Variants in STAB1 observed in about 807,000 individuals in gnomAD.
STAB1 encodes stabilin-1.
Under a neutral mutation model 332.4 loss-of-function variants are expected in STAB1, and 250 were observed. That is an observed-to-expected ratio of 0.75 (90% CI 0.68 to 0.84). The LOEUF is 0.84. Among genes scored for constraint, STAB1 ranks in the 40% least tolerant of loss-of-function variants. The pLI, the probability that STAB1 is intolerant of heterozygous loss-of-function variation, is 0.00. For synonymous variants in STAB1, 1,475 were observed against 1,390.4 expected (o/e 1.06, Z -1.35); for missense variants, 3,249 against 3,489.7 (o/e 0.93, Z 1.74).
Position 52,502,165 on chromosome 3 carries a change from T to G in STAB1, c.424T>G (p.Phe142Val). The change falls in exon 5 of 69, where the codon TTC becomes GTC. Residue 142 changes from phenylalanine (F) to valine (V), a missense_variant. By Grantham distance (50) the Phe-to-Val change is conservative. Transcript: ENST00000321725. ...TTGGTGCATCCACCACCAGGAAAACTTCCGCGGCTCAGCCTGCCAGGAGTG... is the reference window on the plus strand; with the variant it reads ...TTGGTGCATCCACCACCAGGAAAACGTCCGCGGCTCAGCCTGCCAGGAGTG... The part of the protein sequence containing the change: ...RNGTCVCQEN[F>V]RGSACQECQD... The G allele has an allele frequency of 6.2e-7, 1 of 1,613,464 alleles. No individual in the cohort carries two copies. Among genetic ancestry groups the G allele is most frequent in the Non-Finnish European group, 8.5e-7 (1 of 1,179,994 alleles).
At chr3:52,495,960 C>T (rs1475640662) in intron 1 of STAB1, among the ~76,000 whole-genome samples, 3 of 152,164 alleles carry the variant, frequency 2.0e-5, no homozygotes, top group Admixed American at 6.5e-5. Context: ...CCTTAGTGTC[C>T]GGGGTTATGA....
chr3:52,514,382 G>A lies in STAB1; in HGVS notation c.3564G>A (p.Arg1188=). Residue 1188 remains arginine, a synonymous_variant, in exon 34 of 69, where the codon CGG becomes CGA. Coordinates refer to ENST00000321725, the MANE Select transcript of STAB1 (RefSeq NM_015136.3). ...TCTTCCAGGACGCAGACACAGTGCGGCACCATGTGGTCCTGGGGGAGGCCC... is the reference window on the plus strand; with the variant it reads ...TCTTCCAGGACGCAGACACAGTGCGACACCATGTGGTCCTGGGGGAGGCCC... ...NSSHLDADTV[R]HHVVLGEALS... 6.5e-7 allele frequency: 1 copy of A among 1,549,976 alleles called. No individual in the cohort carries two copies. The highest frequency in any genetic ancestry group is 8.7e-7 in the Non-Finnish European group (1 of 1,147,358).
chr3:52,509,981 G>T lies in STAB1; in HGVS notation c.2459G>T (p.Gly820Val). Residue 820 changes from glycine to valine, a missense_variant, in exon 23 of 69, where the codon GGG becomes GTG. By Grantham distance (109) the Gly-to-Val change is moderately radical. Transcript: ENST00000321725. ...FSGRFCNESM[G>V]DCGPTGLAQH... ...GGCCGGTTCTGCAACGAGTCCATGG[G>T]GGACTGTGGGCCCACAGGGCTGGCC... The T allele has an allele frequency of 6.2e-7, 1 of 1,610,778 alleles. No homozygotes were observed. The highest frequency in any genetic ancestry group is 8.5e-7 in the Non-Finnish European group (1 of 1,178,450).
At chr3:52,500,072 C>A (rs1403471755) in intron 1 of STAB1, among the ~76,000 whole-genome samples, 1 of 152,118 alleles carries the variant, frequency 6.6e-6, no homozygotes, top group African/African-American at 2.4e-5. Context: ...GACCCTTTCT[C>A]AAAGACAAAA....
intron 20 of STAB1, 118 bp from the exon 21 acceptor site, chr3:52,508,155 G>A: frequency 1.5e-6 from 2 of 1,348,688 alleles, no homozygotes; most frequent in South Asian, 1.3e-5. Flanking sequence ...TGGAAAAGGG[G>A]TCCCAGAGAA....
rs776608756 is a variant in STAB1, at chr3:52,520,258, C to T, written c.5467C>T (p.Pro1823Ser). Residue 1823 changes from proline (P) to serine (S), a missense_variant, in exon 52 of 69, where the codon CCC becomes TCC. By Grantham distance (74) the Pro-to-Ser change is moderately conservative. Transcript: ENST00000321725. ...CCCACTTCGAACCATGCATGGGACC[C>T]CCATCTCTTTCTCCTGCAGCCGAAC... ...LGPLRTMHGT[P>S]ISFSCSRTRA... The T allele has an allele frequency of 1.2e-6, 2 of 1,613,182 alleles. No individual in the cohort carries two copies. Among genetic ancestry groups the T allele is most frequent in the Admixed American group, 1.7e-5 (1 of 60,038 alleles).
chr3:52,515,327 G>T, intron 36 of STAB1, 96 bp from the exon 37 acceptor site: 2 of 1,227,144 alleles, frequency 1.6e-6, no homozygotes, highest in Non-Finnish European at 2.4e-6. Context: ...CTGCTCAGCT[G>T]CCTGACACCT....
At chr3:52,521,244 C>G (rs898626946) in intron 55 of STAB1, 117 bp from the exon 56 acceptor site, 1 of 1,440,424 alleles carries the variant, frequency 6.9e-7, no homozygotes, top group African/African-American at 1.4e-5. Context: ...CTGGAGGGAT[C>G]TTAGCAGTGG....
chr3:52,500,576 G>A (rs987576418), intron 1 of STAB1, among the ~76,000 whole-genome samples: 1 of 152,250 alleles, frequency 6.6e-6, no homozygotes, highest in African/African-American at 2.4e-5. Flanking sequence ...CAGAGTGGTG[G>A]CTGGAGGTCC....
chr3:52,502,853 G>A, intron 6 of STAB1, 126 bp downstream of exon 6: 4 of 1,241,868 alleles, frequency 3.2e-6, no homozygotes, highest in Non-Finnish European at 4.5e-6. Context: ...TTGGGGAAGG[G>A]GTGTCATCTG....
In STAB1 at chr3:52,518,621, G is replaced by C; in HGVS notation, c.4887+8G>C. ...ATGAGCAACCTGTCGCAGGTATGCAGCCCCCAGAGCGAGGCTGGGCAGGGC... is the reference window on the plus strand; with the variant it reads ...ATGAGCAACCTGTCGCAGGTATGCACCCCCCAGAGCGAGGCTGGGCAGGGC... On this transcript the variant is annotated splice_region_variant and intron_variant, in intron 47 of 68. Transcript: ENST00000321725. The C allele has an allele frequency of 3.7e-6, 6 of 1,608,600 alleles. No individual in the cohort carries two copies. The highest frequency in any genetic ancestry group is 5.1e-6 in the Non-Finnish European group (6 of 1,178,008).
At position 52,511,560 on chromosome 3, in the gene STAB1, G is replaced by C. The variant is rs73837602; in HGVS notation, c.2788-90G>C. The C allele has an allele frequency of 1.9e-4, 232 of 1,242,092 alleles. 1 individual carries two copies. In the Middle Eastern group the frequency reaches 2.9e-3, roughly 15 times the overall value. The allele number at this position is 1,242,092 out of a possible 1,614,324, so 76.9% of individuals were successfully genotyped here. Reference sequence around the variant, plus strand: ...TCTGGGGTCTGGGCAGACCTCCCTGGGGGCAGTGACCAGAGAGAGCCAAGT... The same window carrying C: ...TCTGGGGTCTGGGCAGACCTCCCTGCGGGCAGTGACCAGAGAGAGCCAAGT... On this transcript the variant is annotated intron_variant, in intron 25 of 68. Coordinates refer to ENST00000321725, the MANE Select transcript of STAB1 (RefSeq NM_015136.3).
intron 25 of STAB1, 146 bp downstream of exon 25, chr3:52,510,653 A>T: frequency 9.1e-7 from 1 of 1,102,534 alleles, no homozygotes; most frequent in Non-Finnish European, 1.3e-6. Flanking sequence ...GCTGAGTAGT[A>T]GCATCTGGGA....
chr3:52,519,626 G>C (rs1376740832), intron 50 of STAB1, 62 bp downstream of exon 50: 1 of 1,601,138 alleles, frequency 6.2e-7, no homozygotes, highest in East Asian at 2.2e-5. Context: ...GTGTGCAAGT[G>C]TGTATGCGTA....
intron 37 of STAB1, 39 bp downstream of exon 37, chr3:52,515,545 G>T (rs1271921879): frequency 6.2e-7 from 1 of 1,608,572 alleles, no homozygotes; most frequent in Non-Finnish European, 8.5e-7. Context: ...TGTCCAGAGA[G>T]AAGGAGGTGG....
At chr3:52,501,369 C>T in intron 2 of STAB1, 67 bp downstream of exon 2, 1 of 1,579,182 alleles carries the variant, frequency 6.3e-7, no homozygotes, top group Non-Finnish European at 8.6e-7. Context: ...ACTCGGGGAG[C>T]CTGACAGGCC....
intron 55 of STAB1, 25 bp downstream of exon 55, chr3:52,521,030 T>C: frequency 1.3e-6 from 2 of 1,512,728 alleles, no homozygotes; most frequent in Admixed American, 4.5e-5. Context: ...CACTGTTGAC[T>C]AGCTCCTCTG....
chr3:52,508,066 G>A, intron 20 of STAB1, 40 bp downstream of exon 20: 1 of 1,594,168 alleles, frequency 6.3e-7, no homozygotes, highest in South Asian at 1.1e-5. Flanking sequence ...GGTCACCTGG[G>A]CACCTGCTGT....
intron 18 of STAB1, among the ~76,000 whole-genome samples, chr3:52,507,305 A>G (rs765256691): frequency 1.3e-5 from 2 of 152,196 alleles, no homozygotes; most frequent in Non-Finnish European, 2.9e-5. Context: ...TCGGCCTCCC[A>G]AAGTGCTGGG....
Sources: allele counts gnomAD v4.1 joint callset (sites outside exome capture counted in the v4.1 genomes callset), GRCh38; gene constraint gnomAD v4.1.1; transcripts MANE v1.5; gene names NCBI Gene and HGNC (gene_info 2026-07-23, HGNC 2026-07-21).